The following MLLT10 variants were observed in gnomAD, a reference collection of about 807,000 sequenced individuals.
MLLT10 encodes the protein MLLT10 histone lysine methyltransferase DOT1L cofactor.
A neutral mutation model predicts 129.1 loss-of-function variants in MLLT10; 30 were observed. That is an observed-to-expected ratio of 0.23 (90% confidence interval 0.17 to 0.32). The LOEUF (loss-of-function observed/expected upper bound fraction) is 0.32, where lower values mean the gene tolerates loss of function less well. Among genes scored for constraint, MLLT10 ranks in the 10% least tolerant of loss-of-function variants. The pLI is 1.00. For synonymous variants in MLLT10, 490 were observed against 446.4 expected (o/e 1.10, Z -1.23); for missense variants, 1,119 against 1,268.3 (o/e 0.88, Z 1.79).
intron 13 of MLLT10, among the ~76,000 whole-genome samples, chr10:21,712,603 G>C (rs1488380592): frequency 6.6e-6 from 1 of 151,756 alleles, no homozygotes; most frequent in Admixed American, 6.6e-5. Context: ...TTCCCCTCTT[G>C]CCCTCCCAAG....
At chr10:21,714,762 C>T (rs973122088) in intron 14 of MLLT10, among the ~76,000 whole-genome samples, 1 of 152,194 alleles carries the variant, frequency 6.6e-6, no homozygotes, top group Non-Finnish European at 1.5e-5. Flanking sequence ...CAACCCCTGA[C>T]CTCAGGTAAT....
At position 21,534,462 on chromosome 10, in the gene MLLT10, G is replaced by C. The variant is rs2033421587; in HGVS notation, c.-59G>C. 3 of 543,548 alleles carry C rather than the reference G, an allele frequency of 5.5e-6. No individual in the cohort carries two copies. The Admixed American group carries it at 1.1e-4, about 19-fold the overall frequency. The allele number at this position is 543,548 out of a possible 1,614,324, so 33.7% of individuals were successfully genotyped here. A position where few individuals can be genotyped will look rare whatever the true frequency, so the allele number is the denominator to read the frequency against. On this transcript the variant is annotated 5_prime_UTR_variant, in exon 1 of 23. Coordinates refer to ENST00000307729, the MANE Select transcript of MLLT10 (RefSeq NM_001195626.3). ...GGTGGAGGGGAGGTGGGGGGAATCA[G>C]CAAGGACATGGCTCCTGACTCCTGT... is the stretch of plus-strand genomic sequence containing the variant.
chr10:21,706,318 T>C (rs2055492570), intron 13 of MLLT10, among the ~76,000 whole-genome samples: 1 of 152,194 alleles, frequency 6.6e-6, no homozygotes, highest in South Asian at 2.1e-4. Flanking sequence ...CACATACCAT[T>C]AGGGGTCCTG....
chr10:21,556,675 T>C (rs1414618613), intron 3 of MLLT10: 1 of 1,612,328 alleles, frequency 6.2e-7, no homozygotes, highest in African/African-American at 1.3e-5. Context: ...TAGCCTCATC[T>C]GAAAACGTCA....
chr10:21,585,950 G>T (rs1361024840), intron 3 of MLLT10, among the ~76,000 whole-genome samples: 1 of 152,174 alleles, frequency 6.6e-6, no homozygotes, highest in East Asian at 1.9e-4. Flanking sequence ...TAGTAGAGAC[G>T]GGGTTTCTGC....
upstream of MLLT10, among the ~76,000 whole-genome samples, chr10:21,533,857 A>G (rs2033260805): frequency 6.6e-6 from 1 of 152,206 alleles, no homozygotes; most frequent in African/African-American, 2.4e-5. Context: ...TTCCCAGGGC[A>G]CGGAGATGAT....
chr10:21,699,970 G>T (rs1191629872), intron 13 of MLLT10, among the ~76,000 whole-genome samples: 1 of 152,096 alleles, frequency 6.6e-6, no homozygotes, highest in Non-Finnish European at 1.5e-5. Context: ...TGGCAGTGTG[G>T]TCATTTTAAT....
At position 21,726,240 on chromosome 10, in the gene MLLT10, T is replaced by C; in HGVS notation, c.1879-4T>C. 1.3e-6 allele frequency: 2 copies of C among 1,570,376 alleles called. No homozygotes were observed. The highest frequency in any genetic ancestry group is 1.7e-4 in the Middle Eastern group (1 of 5,960). On this transcript the variant is annotated splice_region_variant and splice_polypyrimidine_tract_variant and intron_variant, in intron 14 of 22. Coordinates refer to ENST00000307729, the MANE Select transcript of MLLT10 (RefSeq NM_001195626.3). ...CATTTATCATTGTAATTTTTTCCAT[T>C]TAGGCAAATACTCTATCTGGATCTT...
At chr10:21,733,706 C>T (rs1379201150) in intron 19 of MLLT10, 62 bp from the exon 20 acceptor site, 4 of 1,534,122 alleles carry the variant, frequency 2.6e-6, no homozygotes, top group African/African-American at 1.4e-5. Flanking sequence ...CTTAGTTTCT[C>T]TTCTTTCTTA....
intron 3 of MLLT10, among the ~76,000 whole-genome samples, chr10:21,552,687 C>T (rs182036640): frequency 7.9e-5 from 12 of 152,114 alleles, no homozygotes; most frequent in Non-Finnish European, 1.3e-4. Context: ...CCACCATGCC[C>T]GGCCTCTCTC....
intron 5 of MLLT10, among the ~76,000 whole-genome samples, chr10:21,609,005 GTTGT>G (rs2044335387): frequency 6.6e-6 from 1 of 152,028 alleles, no homozygotes; most frequent in Non-Finnish European, 1.5e-5. Context: ...GTGTCTTACT[GTTGT>G]TTGTTTGGTC....
In MLLT10 at chr10:21,730,788, C is replaced by T; in HGVS notation, c.2064-112C>T. On this transcript the variant is annotated intron_variant, in intron 16 of 22. Transcript: ENST00000307729. ...AGGAACCTGATACTTCTGGCATAGG[C>T]AGCCTGGTGTTATAAAACTCATACA... The T allele has an allele frequency of 3.8e-6, 4 of 1,064,262 alleles. No homozygotes were observed. The South Asian group carries it at 4.3e-5, about 11-fold the overall frequency. 65.9% of individuals were successfully genotyped at this position (1,064,262 alleles called of 1,614,324 possible). A position where few individuals can be genotyped will look rare whatever the true frequency, so the allele number is the denominator to read the frequency against.
At chr10:21,586,113 C>G (rs12570519) in intron 3 of MLLT10, among the ~76,000 whole-genome samples, 181 bp from the exon 4 acceptor site, 1 of 152,102 alleles carries the variant, frequency 6.6e-6, no homozygotes, top group African/African-American at 2.4e-5. Context: ...TACTTGTCCT[C>G]TGAAGAAGAT....
intron 13 of MLLT10, among the ~76,000 whole-genome samples, chr10:21,712,047 C>T (rs573448020): frequency 6.6e-6 from 1 of 152,194 alleles, no homozygotes; most frequent in East Asian, 1.9e-4. Context: ...AATGCATTGG[C>T]TAAATATATC....
Position 21,678,514 on chromosome 10 carries a change from C to CGAA in MLLT10, c.1622-2816_1622-2814dup, listed in dbSNP as rs763980977. ...ATTGTACTTTGAAGTAGGCAGAAGA[C>CGAA]GAAGGCCAATATTACCTGAAAAGAA... On this transcript the variant is annotated intron_variant, in intron 11 of 22. Transcript: ENST00000307729. Among the ~76,000 whole-genome samples, 12 of 152,156 alleles carry CGAA rather than the reference C, an allele frequency of 7.9e-5. No individual in the cohort carries two copies. In the East Asian group the frequency reaches 2.3e-3, roughly 29 times the overall value.
At chr10:21,570,455 G>A (rs1279936257) in intron 3 of MLLT10, among the ~76,000 whole-genome samples, 1 of 152,118 alleles carries the variant, frequency 6.6e-6, no homozygotes, top group Non-Finnish European at 1.5e-5. Context: ...TCAAATATGT[G>A]AAAGTTGTTG....
chr10:21,566,192 T>G (rs2039533599), intron 3 of MLLT10, among the ~76,000 whole-genome samples: 1 of 151,726 alleles, frequency 6.6e-6, no homozygotes, highest in African/African-American at 2.4e-5. Context: ...GAACCTCAGG[T>G]GATCTGCTCT....
chr10:21,652,677 G>C (rs59963185), intron 9 of MLLT10, among the ~76,000 whole-genome samples: 1 of 152,184 alleles, frequency 6.6e-6, no homozygotes, highest in Non-Finnish European at 1.5e-5. Flanking sequence ...TTTGTGTTTA[G>C]TTTGATCGAA....
At chr10:21,553,671 A>G (rs1326612333) in intron 3 of MLLT10, among the ~76,000 whole-genome samples, 1 of 145,480 alleles carries the variant, frequency 6.9e-6, no homozygotes, top group African/African-American at 2.6e-5. Context: ...TTTTTTTTTC[A>G]GACAGGGCCT....
Sources: allele counts gnomAD v4.1 joint callset (sites outside exome capture counted in the v4.1 genomes callset), GRCh38; gene constraint gnomAD v4.1.1; transcripts MANE v1.5; gene names NCBI Gene and HGNC (gene_info 2026-07-23, HGNC 2026-07-21).